Variants in TRAK1 observed in about 807,000 individuals in gnomAD.
The protein encoded by TRAK1 is trafficking kinesin protein 1, also known as trafficking kinesin-binding protein 1.
In TRAK1, 33 loss-of-function variants were observed where a neutral mutation model predicts 92.1. That is an observed-to-expected ratio of 0.36 (90% CI 0.27 to 0.48). TRAK1 has a LOEUF of 0.48. TRAK1 is among the 20% of genes least tolerant of loss of function. The probability of loss-of-function intolerance (pLI) is 0.99; values close to 1 mark genes in which losing one functional copy is unlikely to be tolerated. For missense variants in TRAK1, 1,123 were observed against 1,257.9 expected, an observed-to-expected ratio of 0.89 and a Z score of 1.62; for synonymous variants, 521 against 517.3, an observed-to-expected ratio of 1.01 and a Z score of -0.10.
At chr3:42,190,583 G>A (rs565837189) in intron 6 of TRAK1, among the ~76,000 whole-genome samples, 14 of 152,044 alleles carry the variant, frequency 9.2e-5, no homozygotes, top group South Asian at 2.1e-4. Flanking sequence ...CTCCAGCCCC[G>A]GGCGCCCAGC....
At chr3:42,209,406 C>G (rs1289679433) in intron 13 of TRAK1, among the ~76,000 whole-genome samples, 1 of 152,114 alleles carries the variant, frequency 6.6e-6, no homozygotes, top group Non-Finnish European at 1.5e-5. Flanking sequence ...CCATTTTCCC[C>G]CTTCCATTTT....
intron 3 of TRAK1, among the ~76,000 whole-genome samples, chr3:42,179,475 T>C (rs992017193): frequency 1.3e-5 from 2 of 152,252 alleles, no homozygotes; most frequent in Non-Finnish European, 2.9e-5. Flanking sequence ...CACCTGGGCT[T>C]GCTGCTGTCT....
At chr3:42,100,184 A>G (rs922440870) in intron 1 of TRAK1, among the ~76,000 whole-genome samples, 1 of 152,146 alleles carries the variant, frequency 6.6e-6, no homozygotes, top group Non-Finnish European at 1.5e-5. Context: ...AAGGCAACAT[A>G]GTGAGACTCC....
At chr3:42,133,054 A>G (rs1236714091) in intron 2 of TRAK1, among the ~76,000 whole-genome samples, 2 of 152,140 alleles carry the variant, frequency 1.3e-5, no homozygotes, top group African/African-American at 4.8e-5. Flanking sequence ...CTGCCATCTC[A>G]TCCCTGGACA....
At chr3:42,160,558 GT>G in intron 2 of TRAK1, 2 of 1,079,932 alleles carry the variant, frequency 1.9e-6, no homozygotes, top group Non-Finnish European at 2.5e-6. Flanking sequence ...TCATAGCACT[GT>G]TTTGTTTTTG....
At chr3:42,111,661 C>T (rs139979742) in intron 1 of TRAK1, among the ~76,000 whole-genome samples, 15 of 152,134 alleles carry the variant, frequency 9.9e-5, no homozygotes, top group African/African-American at 1.2e-4. Flanking sequence ...TCCCAAAGTG[C>T]TGGGATAACA....
intron 2 of TRAK1, among the ~76,000 whole-genome samples, chr3:42,157,745 G>A (rs570662955): frequency 9.9e-5 from 15 of 152,278 alleles, no homozygotes; most frequent in Admixed American, 8.5e-4. Flanking sequence ...AGACCTGGCC[G>A]TTGAATAAAA....
At chr3:42,153,405 TAA>T (rs890153676) in intron 2 of TRAK1, among the ~76,000 whole-genome samples, 16 of 146,800 alleles carry the variant, frequency 1.1e-4, no homozygotes, top group Non-Finnish European at 2.4e-4. Context: ...TTAAAAAAAA[TAA>T]AAAAAAAAGG....
chr3:42,078,051 C>G (rs904873717), intron 1 of TRAK1, among the ~76,000 whole-genome samples: 2 of 152,194 alleles, frequency 1.3e-5, no homozygotes, highest in Non-Finnish European at 2.9e-5. Flanking sequence ...TGGCCAGAGG[C>G]TGCTGTCAGT....
rs1029874466 is a variant in TRAK1, at chr3:42,202,372, G to A, written c.1428-64G>A. The A allele has an allele frequency of 1.4e-6, 2 of 1,435,146 alleles. No homozygotes were observed. Among genetic ancestry groups the A allele is most frequent in the East Asian group, 4.8e-5 (2 of 41,570 alleles). The allele number at this position is 1,435,146 out of a possible 1,614,324, so 88.9% of individuals were successfully genotyped here. On this transcript the variant is annotated intron_variant, in intron 12 of 15. Transcript: ENST00000327628. The surrounding 1 kb of genome is among the most constrained non-coding windows in gnomAD (Gnocchi z 6.1). ...AACGTCCACCGCTGTGCATTGAGCA[G>A]TCGGGCCTCTGTGGCCTTGGAGCCC...
rs907002495 is a variant in TRAK1, at chr3:42,209,972, C to A, written c.1950C>A (p.His650Gln). 12 of 1,614,100 alleles carry A rather than the reference C, an allele frequency of 7.4e-6. No individual in the cohort carries two copies. Among genetic ancestry groups the A allele is most frequent in the Non-Finnish European group, 1.0e-5 (12 of 1,180,048 alleles). The change falls in exon 14 of 16, where the codon CAC becomes CAA. Residue 650 changes from histidine to glutamine, a missense_variant. Around this residue, in one of 3 missense-constraint regions of TRAK1, gnomAD observed 401 missense variants for 438.9 expected, o/e 0.91. Transcript: ENST00000327628. ...TAGCTACCTCCACTCCAGTTCAGCA[C>A]CCAGAGACCTCAGGTGAGAGGTCCC... Reference protein sequence around the residue: ...PRLATSTPVQHPETSAHHPGK... With the variant: ...PRLATSTPVQQPETSAHHPGK...
chr3:42,042,692 T>C lies in TRAK1; in HGVS notation c.-519+28575T>C, dbSNP rs188941016. Among the ~76,000 whole-genome samples, 155 of 152,228 alleles carry C rather than the reference T, an allele frequency of 1.0e-3. 1 individual carries two copies. The highest frequency in any genetic ancestry group is 3.4e-3 in the African/African-American group (140 of 41,532). On this transcript the variant is annotated intron_variant, in intron 1 of 16. Transcript: ENST00000487159. ...AGCCTGGAACTTTTATTTTTTTCAA[T>C]GACATAGAGACTTCTGAGTAGAAAT...
chr3:42,188,728 T>C (rs1264229736), intron 5 of TRAK1, among the ~76,000 whole-genome samples: 3 of 152,236 alleles, frequency 2.0e-5, no homozygotes, highest in Non-Finnish European at 2.9e-5. Flanking sequence ...TACAAATGCA[T>C]TGTGAGTATT....
intron 1 of TRAK1, among the ~76,000 whole-genome samples, chr3:42,046,660 G>A (rs1394695582): frequency 6.6e-6 from 1 of 152,158 alleles, no homozygotes; most frequent in Admixed American, 6.5e-5. Context: ...CCTTCTGAAG[G>A]GAGAAGATTA....
chr3:42,137,581 A>T (rs771612185), intron 2 of TRAK1, among the ~76,000 whole-genome samples: 8 of 152,228 alleles, frequency 5.3e-5, no homozygotes, highest in Non-Finnish European at 8.8e-5. Context: ...ACTCAAAGTT[A>T]TCAAGAGATC....
chr3:42,121,196 C>CT (rs1324392873), intron 1 of TRAK1, among the ~76,000 whole-genome samples: 2 of 151,996 alleles, frequency 1.3e-5, no homozygotes, highest in Non-Finnish European at 2.9e-5. Flanking sequence ...TGCCACATTG[C>CT]TGGGACGGTG....
intron 10 of TRAK1, among the ~76,000 whole-genome samples, chr3:42,195,389 C>G (rs1452625663): frequency 6.6e-6 from 1 of 152,170 alleles, no homozygotes; most frequent in African/African-American, 2.4e-5. Context: ...CTCAAGAACT[C>G]CTGTGTATTC....
intron 10 of TRAK1, among the ~76,000 whole-genome samples, chr3:42,197,835 T>C (rs1376412276): frequency 2.0e-5 from 3 of 152,182 alleles, no homozygotes; most frequent in Non-Finnish European, 2.9e-5. Flanking sequence ...GCATGGACCA[T>C]GAAGCTGCTG....
At chr3:42,062,749 T>C (rs781078763) in intron 1 of TRAK1, among the ~76,000 whole-genome samples, 1 of 152,202 alleles carries the variant, frequency 6.6e-6, no homozygotes, top group African/African-American at 2.4e-5. Flanking sequence ...CTGCCTAATA[T>C]AATTCTCATC....
Sources: gnomAD v4.1 joint callset for allele counts (sites outside exome capture counted in the v4.1 genomes callset) on GRCh38, gnomAD v4.1.1 for gene constraint, gnomAD v4.1.1 regional missense constraint, Gnocchi (gnomAD v3.1) non-coding constraint, MANE v1.5 for transcripts, NCBI Gene and HGNC (gene_info 2026-07-23, HGNC 2026-07-21) for gene names.